The following PPFIBP2 variants were observed in gnomAD, a reference collection of about 807,000 sequenced individuals.
PPFIBP2 encodes PPFIB scaffold protein 2, also known as liprin-beta-2.
A neutral mutation model predicts 118.3 loss-of-function variants in PPFIBP2; 118 were observed. The observed-to-expected ratio is 1.00, with a 90% CI of 0.86 to 1.16. The LOEUF (loss-of-function observed/expected upper bound fraction) is 1.16. Among genes scored for constraint, PPFIBP2 ranks in the 50% most tolerant of loss-of-function variants. The pLI is 0.00. For synonymous variants in PPFIBP2, 414 were observed against 397.4 expected, an observed-to-expected ratio of 1.04 and a Z score of -0.50; for missense variants, 1,195 against 1,073.1, an observed-to-expected ratio of 1.11 and a Z score of -1.59.
chr11:7,651,628 G>A, intron 22 of PPFIBP2, 28 bp from the exon 23 acceptor site: 1 of 1,575,796 alleles, frequency 6.3e-7, no homozygotes, highest in Non-Finnish European at 8.7e-7. Context: ...TTTGCTCCTG[G>A]CCAGGCTTGT....
At chr11:7,609,038 G>C (rs1250482687) in intron 5 of PPFIBP2, among the ~76,000 whole-genome samples, 1 of 152,202 alleles carries the variant, frequency 6.6e-6, no homozygotes, top group Non-Finnish European at 1.5e-5. Context: ...CTTCAAGAGA[G>C]ATACCCATCC....
intron 1 of PPFIBP2, among the ~76,000 whole-genome samples, chr11:7,525,173 C>T (rs555038649): frequency 6.6e-6 from 1 of 152,268 alleles, no homozygotes; most frequent in South Asian, 2.1e-4. Flanking sequence ...TCCTGTGGGC[C>T]CTGGTAGCTC....
chr11:7,653,415 TG>T lies in PPFIBP2; in HGVS notation c.*201del, dbSNP rs750401971. 6.7e-7 allele frequency: 1 copy of T among 1,495,962 alleles called. No homozygotes were observed. Among genetic ancestry groups the T allele is most frequent in the Non-Finnish European group, 8.9e-7 (1 of 1,126,046 alleles). The allele number at this position is 1,495,962 out of a possible 1,614,324, so 92.7% of individuals were successfully genotyped here. Reference sequence around the variant, plus strand: ...GCTGCATCTCTAAGGGGCCAGGCTTTGGGGACCATTGCCAAAGGTGGACTCA... The same window carrying T: ...GCTGCATCTCTAAGGGGCCAGGCTTTGGGACCATTGCCAAAGGTGGACTCA... On this transcript the variant is annotated 3_prime_UTR_variant, in exon 24 of 24. Transcript: ENST00000299492.
intron 1 of PPFIBP2, among the ~76,000 whole-genome samples, chr11:7,547,134 G>A (rs1040243196): frequency 1.6e-4 from 24 of 152,388 alleles, no homozygotes; most frequent in African/African-American, 5.8e-4. Flanking sequence ...CTGTGGATTT[G>A]TTGTGCTTTG....
At chr11:7,634,191 G>A (rs1052850516) in intron 12 of PPFIBP2, among the ~76,000 whole-genome samples, 4 of 152,122 alleles carry the variant, frequency 2.6e-5, no homozygotes, top group East Asian at 1.9e-4. Flanking sequence ...TTTTATGACC[G>A]CACAATTGTC....
rs546555294 is a variant in PPFIBP2 at position 7,644,594 on chromosome 11, C to T, written c.1646+2168C>T. Among the ~76,000 whole-genome samples the T allele has an allele frequency of 3.6e-3, 542 of 152,204 alleles. 3 individuals are homozygous for T. The highest frequency in any genetic ancestry group is 5.7e-3 in the Non-Finnish European group (385 of 68,020). ...CCCCATTTTGTTTCCTTTTCCTACA[C>T]GCATGGTGAGTCAGATTCATCATGA... On this transcript the variant is annotated intron_variant, in intron 17 of 23. Transcript: ENST00000299492.
chr11:7,557,055 T>C (rs1198193853), intron 2 of PPFIBP2, among the ~76,000 whole-genome samples: 1 of 152,210 alleles, frequency 6.6e-6, no homozygotes, highest in Non-Finnish European at 1.5e-5. Context: ...CTTCTGGAAT[T>C]CCTGAAGAAT....
intron 1 of PPFIBP2, among the ~76,000 whole-genome samples, chr11:7,544,272 A>C (rs926497945): frequency 6.6e-6 from 1 of 152,250 alleles, no homozygotes; most frequent in Admixed American, 6.5e-5. Context: ...TTAAGTGTCC[A>C]GAGAGAATGA....
intron 1 of PPFIBP2, chr11:7,548,205 G>A (rs1209123391): frequency 6.6e-6 from 1 of 152,552 alleles, no homozygotes; most frequent in African/African-American, 2.4e-5. Context: ...TGACTTTGGA[G>A]CCTGTGGATT....
chr11:7,547,838 T>G (rs1357117419), intron 1 of PPFIBP2, among the ~76,000 whole-genome samples: 3 of 152,164 alleles, frequency 2.0e-5, no homozygotes, highest in East Asian at 3.9e-4. Context: ...TTAGCACCTG[T>G]AAATCCCTGC....
chr11:7,617,077 G>T (rs1848742041), intron 6 of PPFIBP2: 1 of 972,582 alleles, frequency 1.0e-6, no homozygotes, highest in Non-Finnish European at 1.2e-6. Context: ...GTCTGACCTG[G>T]AGTGCTTTTC....
chr11:7,588,004 G>A (rs796307506), intron 3 of PPFIBP2, among the ~76,000 whole-genome samples: 8 of 152,238 alleles, frequency 5.3e-5, no homozygotes, highest in African/African-American at 1.9e-4. Context: ...CTGATCTAGG[G>A]TTCGCCACAA....
At chr11:7,532,890 T>C (rs935903249) in intron 1 of PPFIBP2, among the ~76,000 whole-genome samples, 1 of 152,236 alleles carries the variant, frequency 6.6e-6, no homozygotes. Flanking sequence ...TTTTGATTAA[T>C]TCAATTAGTG....
At chr11:7,586,088 T>C (rs1858120663) in intron 3 of PPFIBP2, among the ~76,000 whole-genome samples, 2 of 152,342 alleles carry the variant, frequency 1.3e-5, no homozygotes, top group Admixed American at 6.5e-5. Flanking sequence ...CCCAAAGACA[T>C]GATCCCAGGG....
intron 1 of PPFIBP2, among the ~76,000 whole-genome samples, chr11:7,519,316 G>C (rs1328445673): frequency 6.6e-6 from 1 of 152,184 alleles, no homozygotes; most frequent in Admixed American, 6.5e-5. Flanking sequence ...AGGGCTGCGA[G>C]AATGGAGGAG....
At chr11:7,539,050 C>T (rs760653280) in intron 1 of PPFIBP2, 2 of 152,240 alleles carry the variant, frequency 1.3e-5, no homozygotes, top group Non-Finnish European at 1.5e-5. Flanking sequence ...TGCTTGTTCA[C>T]CTTCAGTGGC....
chr11:7,648,074 T>C (rs74054317), intron 17 of PPFIBP2: 24,867 of 214,246 alleles, frequency 0.12, 1,594 homozygotes, highest in Middle Eastern at 0.17. Context: ...ACTTGTGGCA[T>C]GTATATGTGT....
At chr11:7,554,357 A>G (rs936342664) in intron 2 of PPFIBP2, among the ~76,000 whole-genome samples, 2 of 152,358 alleles carry the variant, frequency 1.3e-5, no homozygotes, top group East Asian at 3.8e-4. Context: ...ATCATATACT[A>G]TGTAACAAGG....
In PPFIBP2 at chr11:7,616,622, G is replaced by A. The variant is rs971201558; in HGVS notation, c.619-4313G>A. Among the ~76,000 whole-genome samples, 4 of 152,190 alleles carry A rather than the reference G, an allele frequency of 2.6e-5. No individual in the cohort carries two copies. The highest frequency in any genetic ancestry group is 2.6e-4 in the Admixed American group (4 of 15,280). ...AATATACTGAAATAGGCATATTGAT[G>A]CCTGAGTTCAGGGTTTGGGTACATA... is the stretch of plus-strand genomic sequence containing the variant. On this transcript the variant is annotated intron_variant, in intron 6 of 23. Transcript: ENST00000299492. This position sits in a 1 kb window ranked among gnomAD's most constrained non-coding sequence, Gnocchi z 5.2.
Sources: gnomAD v4.1 joint callset for allele counts (sites outside exome capture counted in the v4.1 genomes callset) on GRCh38, gnomAD v4.1.1 for gene constraint, Gnocchi (gnomAD v3.1) non-coding constraint, MANE v1.5 for transcripts, NCBI Gene and HGNC (gene_info 2026-07-23, HGNC 2026-07-21) for gene names.